Variants in CRIM1 observed in about 807,000 individuals in gnomAD.
The protein encoded by CRIM1 is cysteine-rich motor neuron 1 protein.
Under a neutral mutation model 116.4 loss-of-function variants are expected in CRIM1, and 32 were observed. The ratio of observed to expected loss-of-function variants is 0.27; its 90% CI spans 0.21 to 0.37. The LOEUF (loss-of-function observed/expected upper bound fraction) is 0.37. CRIM1 is among the 10% of genes least tolerant of loss of function. The probability of loss-of-function intolerance (pLI) is 1.00; values close to 1 mark genes in which losing one functional copy is unlikely to be tolerated. For synonymous variants in CRIM1, 590 were observed against 509.2 expected (o/e 1.16, Z -2.13); for missense variants, 1,331 against 1,354.8 (o/e 0.98, Z 0.28).
chr2:36,479,422 A>G lies in CRIM1; in HGVS notation c.1175-75A>G, dbSNP rs1181129636. On this transcript the variant is annotated intron_variant, in intron 6 of 16. Transcript: ENST00000280527. The stretch of plus-strand genomic sequence containing the variant: ...TGCTGATGACTAGAACCCAGGGAAA[A>G]AATGTCTCTGGGTACTGACAGAGAT... 2.7e-6 allele frequency: 4 copies of G among 1,455,334 alleles called. No homozygotes were observed. In the African/African-American group the frequency reaches 4.2e-5, roughly 15 times the overall value. 90.2% of individuals were successfully genotyped at this position (1,455,334 alleles called of 1,614,324 possible).
chr2:36,406,289 G>A (rs141152911), intron 2 of CRIM1, among the ~76,000 whole-genome samples: 1 of 152,228 alleles, frequency 6.6e-6, no homozygotes, highest in East Asian at 1.9e-4. Context: ...AAATGGGTGG[G>A]TTTTGTACAT....
intron 1 of CRIM1, among the ~76,000 whole-genome samples, chr2:36,358,348 C>T (rs1018778397): frequency 3.3e-5 from 5 of 152,154 alleles, no homozygotes; most frequent in African/African-American, 1.2e-4. Flanking sequence ...TCCGGCCTCT[C>T]GTAAATCTGA....
chr2:36,541,731 C>G (rs909276638), intron 14 of CRIM1, among the ~76,000 whole-genome samples: 2 of 152,126 alleles, frequency 1.3e-5, no homozygotes, highest in Non-Finnish European at 2.9e-5. Context: ...ACCGTGTGCC[C>G]GTGATCTTCG....
intron 4 of CRIM1, among the ~76,000 whole-genome samples, chr2:36,457,774 C>G (rs1398279407): frequency 6.6e-6 from 1 of 151,004 alleles, no homozygotes; most frequent in Non-Finnish European, 1.5e-5. Flanking sequence ...AAAAAACTTA[C>G]ACATTCCTGG....
intron 2 of CRIM1, among the ~76,000 whole-genome samples, chr2:36,433,570 A>C (rs184405790): frequency 6.6e-6 from 1 of 152,192 alleles, no homozygotes. Context: ...CTCAGGCCCA[A>C]TTGCACAATA....
chr2:36,418,107 G>A (rs1673763354), intron 2 of CRIM1, among the ~76,000 whole-genome samples: 1 of 152,182 alleles, frequency 6.6e-6, no homozygotes. Flanking sequence ...ACAGGTGCAG[G>A]TTAGAATTGT....
chr2:36,500,038 C>A (rs978599846), intron 8 of CRIM1, among the ~76,000 whole-genome samples: 1 of 152,004 alleles, frequency 6.6e-6, no homozygotes, highest in African/African-American at 2.4e-5. Flanking sequence ...TCAAGATACT[C>A]CAGAATGGGC....
intron 4 of CRIM1, among the ~76,000 whole-genome samples, chr2:36,452,091 G>C (rs1676776217): frequency 6.6e-6 from 1 of 151,410 alleles, no homozygotes; most frequent in African/African-American, 2.4e-5. Flanking sequence ...TAGTGTCTCA[G>C]AGAAGATGGC....
chr2:36,535,390 A>G (rs72789230), intron 13 of CRIM1, among the ~76,000 whole-genome samples: 50,774 of 152,082 alleles, frequency 0.33, 9,224 homozygotes, highest in South Asian at 0.46. Flanking sequence ...AACTTCTATC[A>G]TGAGTTTCTT....
chr2:36,399,464 G>C (rs577832184), intron 2 of CRIM1, among the ~76,000 whole-genome samples: 1 of 152,172 alleles, frequency 6.6e-6, no homozygotes, highest in African/African-American at 2.4e-5. Context: ...AAGAACCTAC[G>C]GTATCTGCTA....
intron 1 of CRIM1, among the ~76,000 whole-genome samples, chr2:36,383,767 A>G (rs1452198636): frequency 6.6e-6 from 1 of 152,222 alleles, no homozygotes. Context: ...AGCTGGGCAC[A>G]CTATGGTAGT....
rs547801755 is a variant in CRIM1 at position 36,520,666 on chromosome 2, G to A, written c.2207-1426G>A. Reference sequence around the variant, plus strand: ...ATACAGTTACTCAGTTTAAAGGAGAGGGTATGGGCCAATCCCATTATGCTG... The same window carrying A: ...ATACAGTTACTCAGTTTAAAGGAGAAGGTATGGGCCAATCCCATTATGCTG... On this transcript the variant is annotated intron_variant, in intron 12 of 16. Coordinates refer to ENST00000280527, the MANE Select transcript of CRIM1 (RefSeq NM_016441.3). Among the ~76,000 whole-genome samples, 42 of 152,306 alleles carry A rather than the reference G, an allele frequency of 2.8e-4. No individual in the cohort carries two copies. In the East Asian group the frequency reaches 6.4e-3, roughly 23 times the overall value.
intron 12 of CRIM1, among the ~76,000 whole-genome samples, chr2:36,521,466 G>A (rs72866891): frequency 6.6e-6 from 1 of 152,126 alleles, no homozygotes; most frequent in Admixed American, 6.5e-5. Flanking sequence ...GCTACAATTT[G>A]TAAGTAAATA....
At chr2:36,369,327 C>T (rs1308175723) in intron 1 of CRIM1, 1 of 152,136 alleles carries the variant, frequency 6.6e-6, no homozygotes, top group Non-Finnish European at 1.5e-5. Flanking sequence ...CTACCACAGC[C>T]CAGTGCCTGC....
Position 36,548,697 on chromosome 2 carries a change from T to C in CRIM1, c.3107T>C (p.Val1036Ala), listed in dbSNP as rs1412429547. 6.3e-6 allele frequency: 10 copies of C among 1,580,710 alleles called. No homozygotes were observed. The highest frequency in any genetic ancestry group is 2.0e-5 in the Admixed American group (1 of 50,726). ...CAGGCAGACAATTTCTACCAAACAG[T>C]GTGAAGAAAGGCAACTAGGATGAGG... Reference protein sequence around the residue: ...HLQADNFYQTV With the variant: ...HLQADNFYQTA Residue 1036 changes from valine (V) to alanine (A), a missense_variant, in exon 17 of 17, where the codon GTG (valine) becomes GCG (alanine). Transcript: ENST00000280527.
At chr2:36,381,825 G>GGGGTATC (rs1670799868) in intron 1 of CRIM1, among the ~76,000 whole-genome samples, 4 of 152,200 alleles carry the variant, frequency 2.6e-5, no homozygotes, top group African/African-American at 9.6e-5. Context: ...TTAGAGTAAA[G>GGGGTATC]CACACCCCAT....
In CRIM1 at chr2:36,464,062, C is replaced by T. The variant is rs200808405; in HGVS notation, c.870-472C>T. On this transcript the variant is annotated intron_variant, in intron 4 of 16. Transcript: ENST00000280527. ...AAAGCTAATAACTTAATCATTGAAC[C>T]AGGAGTCAGAAAATCTCTGAAAAAC... Among the ~76,000 whole-genome samples, 11 of 152,064 alleles carry T rather than the reference C, an allele frequency of 7.2e-5. No individual in the cohort carries two copies. In the East Asian group the frequency reaches 7.7e-4, roughly 11 times the overall value.
rs551982872 is a variant in CRIM1 at position 36,449,136 on chromosome 2, AAT to A, written c.869+6403_869+6404del. Among the ~76,000 whole-genome samples the A allele has an allele frequency of 2.6e-5, 4 of 152,228 alleles. No homozygotes were observed. The East Asian group carries it at 7.7e-4, about 29-fold the overall frequency. On this transcript the variant is annotated intron_variant, in intron 4 of 16. Coordinates refer to ENST00000280527, the MANE Select transcript of CRIM1 (RefSeq NM_016441.3). ...GACTTCTGTTTTCACCAAAAAATGTAATAGAATATGTTGGACACATGAAATTC... is the reference window on the plus strand; with the variant it reads ...GACTTCTGTTTTCACCAAAAAATGTAAGAATATGTTGGACACATGAAATTC...
At chr2:36,476,796 A>G (rs915026144) in intron 5 of CRIM1, 93 bp from the exon 6 acceptor site, 5 of 993,564 alleles carry the variant, frequency 5.0e-6, no homozygotes, top group African/African-American at 3.3e-5. Flanking sequence ...ATAACCTCCT[A>G]TTAGAAATTT....
Sources: gnomAD v4.1 joint callset for allele counts (sites outside exome capture counted in the v4.1 genomes callset) on GRCh38, gnomAD v4.1.1 for gene constraint, MANE v1.5 for transcripts, NCBI Gene and HGNC (gene_info 2026-07-23, HGNC 2026-07-21) for gene names.